TUT7: variants seen among roughly 807,000 people sequenced by gnomAD.
The protein encoded by TUT7 is terminal uridylyltransferase 7.
In TUT7, 33 loss-of-function variants were observed where a neutral mutation model predicts 165.9. The observed-to-expected ratio is 0.20, with a 90% CI of 0.15 to 0.27. TUT7 has a LOEUF of 0.27. Among genes scored for constraint, TUT7 ranks in the 10% least tolerant of loss-of-function variants. The probability of loss-of-function intolerance (pLI) is 1.00; values close to 1 mark genes in which losing one functional copy is unlikely to be tolerated. For missense variants in TUT7, 1,338 were observed against 1,762.3 expected, an observed-to-expected ratio of 0.76 and a Z score of 4.31; for synonymous variants, 552 against 608.1, an observed-to-expected ratio of 0.91 and a Z score of 1.36.
chr9:86,312,390 C>A (rs1358144916), intron 17 of TUT7, among the ~76,000 whole-genome samples: 2 of 151,676 alleles, frequency 1.3e-5, no homozygotes, highest in African/African-American at 2.4e-5. Context: ...CCAGCAGCCG[C>A]CCCGTCTGAG....
chr9:86,328,300 G>T, intron 11 of TUT7, 40 bp downstream of exon 11: 1 of 1,511,046 alleles, frequency 6.6e-7, no homozygotes, highest in South Asian at 1.4e-5. Context: ...CTTCACAATT[G>T]GCAAGTGAAA....
chr9:86,288,832 G>A (rs1404787514), intron 26 of TUT7, 88 bp from the exon 27 acceptor site: 11 of 1,043,060 alleles, frequency 1.1e-5, no homozygotes, highest in Non-Finnish European at 1.3e-5. Flanking sequence ...TTATTAAGTA[G>A]TCACAAAAAC....
chr9:86,319,766 A>T, intron 14 of TUT7, 96 bp from the exon 15 acceptor site: 1 of 806,190 alleles, frequency 1.2e-6, no homozygotes, highest in South Asian at 1.7e-5. Context: ...TAAAACTTAC[A>T]AGCTTAAATT....
intron 1 of TUT7, among the ~76,000 whole-genome samples, chr9:86,354,061 CCTG>C (rs1832535547): frequency 6.6e-6 from 1 of 152,240 alleles, no homozygotes; most frequent in Non-Finnish European, 1.5e-5. Flanking sequence ...CAGGAAGTGA[CCTG>C]CTGTCTCCAT....
intron 8 of TUT7, 97 bp from the exon 9 acceptor site, chr9:86,339,046 C>G (rs1831090560): frequency 9.3e-7 from 1 of 1,074,144 alleles, no homozygotes; most frequent in African/African-American, 1.6e-5. Flanking sequence ...AATATACATG[C>G]ATAATAAATA....
Position 86,346,493 on chromosome 9 carries a change from GA to G in TUT7, c.521-14del, listed in dbSNP as rs1392969195. On this transcript the variant is annotated splice_polypyrimidine_tract_variant and intron_variant, in intron 2 of 26. Coordinates refer to ENST00000375963, the MANE Select transcript of TUT7 (RefSeq NM_024617.4). ...TGCTTCTTGTTTTCTTAAGGTGGGGGAAAAATATTATTGGCAATATTAAATA... is the reference window on the plus strand; with the variant it reads ...TGCTTCTTGTTTTCTTAAGGTGGGGGAAAATATTATTGGCAATATTAAATA... The G allele has an allele frequency of 1.9e-6, 3 of 1,608,224 alleles. No individual in the cohort carries two copies. Among genetic ancestry groups the G allele is most frequent in the East Asian group, 2.2e-5 (1 of 44,814 alleles).
chr9:86,317,093 G>A (rs1828795011), intron 17 of TUT7, 126 bp downstream of exon 17: 1 of 727,354 alleles, frequency 1.4e-6, no homozygotes, highest in Non-Finnish European at 2.3e-6. Flanking sequence ...TTTATCTGCT[G>A]GGGAAGGGAG....
chr9:86,303,034 TG>T, intron 25 of TUT7, 51 bp downstream of exon 25: 1 of 807,110 alleles, frequency 1.2e-6, no homozygotes, highest in Non-Finnish European at 2.0e-6. Context: ...ATTTAAAAAT[TG>T]GGACATTAAG....
At chr9:86,292,907 T>C (rs1826005651) in intron 26 of TUT7, among the ~76,000 whole-genome samples, 1 of 152,378 alleles carries the variant, frequency 6.6e-6, no homozygotes, top group East Asian at 1.9e-4. Context: ...CTAGTAGTTT[T>C]ACTACTGTAG....
chr9:86,322,512 C>CT, intron 13 of TUT7, 37 bp from the exon 14 acceptor site: 1 of 1,576,788 alleles, frequency 6.3e-7, no homozygotes, highest in South Asian at 1.2e-5. Context: ...AGACTTAACA[C>CT]TTTATTTGCC....
chr9:86,345,277 G>T, intron 4 of TUT7, 123 bp from the exon 5 acceptor site: 2 of 909,130 alleles, frequency 2.2e-6, no homozygotes, highest in Non-Finnish European at 3.2e-6. Context: ...TTTTAGCTGT[G>T]TTAGTTTTCA....
Position 86,323,561 on chromosome 9 carries a change from T to G in TUT7, c.2189A>C (p.Asp730Ala), listed in dbSNP as rs1005722206. Residue 730 changes from aspartate to alanine, a missense_variant, in exon 13 of 27, where the codon GAT (aspartate) becomes GCT (alanine). By Grantham distance (126) the Asp-to-Ala change is moderately radical. This residue lies in a region of TUT7 where 425 missense variants were observed against 474.9 expected (regional missense o/e 0.89). Coordinates refer to ENST00000375963, the MANE Select transcript of TUT7 (RefSeq NM_024617.4). The part of the protein sequence containing the change: ...HPENSDCIQA[D>A]VNSDDYKGDK... ...ACCCTTGTAATCATCAGAGTTAACA[T>G]CTGCTTGGATACAGTCTGAGTTTTC... 6.2e-7 allele frequency: 1 copy of G among 1,614,130 alleles called. No individual in the cohort carries two copies. Among genetic ancestry groups the G allele is most frequent in the African/African-American group, 1.3e-5 (1 of 74,944 alleles).
At chr9:86,328,214 A>C in intron 11 of TUT7, 126 bp downstream of exon 11, 1 of 943,512 alleles carries the variant, frequency 1.1e-6, no homozygotes, top group African/African-American at 1.7e-5. Context: ...CGAGGTACTA[A>C]ACAGACTGGC....
chr9:86,341,704 C>G (rs1325488241), intron 6 of TUT7, among the ~76,000 whole-genome samples: 2 of 152,122 alleles, frequency 1.3e-5, no homozygotes, highest in African/African-American at 4.8e-5. Context: ...GCAAATGCTG[C>G]TCCCCCTGCC....
At chr9:86,315,389 T>C (rs753044806) in intron 17 of TUT7, among the ~76,000 whole-genome samples, 7 of 152,176 alleles carry the variant, frequency 4.6e-5, no homozygotes, top group South Asian at 2.1e-4. Context: ...AAGGACATAA[T>C]GTCTATAGCT....
At chr9:86,309,664 T>A in intron 19 of TUT7, 88 bp from the exon 20 acceptor site, 1 of 1,144,058 alleles carries the variant, frequency 8.7e-7, no homozygotes. Flanking sequence ...GTAAAGTGCA[T>A]ATTTTGAGAA....
At position 86,309,505 on chromosome 9, in the gene TUT7, A is replaced by G. The variant is rs756768354; in HGVS notation, c.3540T>C (p.Phe1180=). 8.1e-6 allele frequency: 13 copies of G among 1,612,996 alleles called. No individual in the cohort carries two copies. The Admixed American group carries it at 1.5e-4, about 19-fold the overall frequency. ...TGACTGGTGGATTCCTCTGCTGGAG[A>G]AAATATAGCACCATAAGAGTATATG... ...SYAYTLMVLY[F]LQQRNPPVIP... Residue 1180 remains phenylalanine, a synonymous_variant, in exon 20 of 27, where the codon TTT becomes TTC. Coordinates refer to ENST00000375963, the MANE Select transcript of TUT7 (RefSeq NM_024617.4).
rs1831463631 is a variant in TUT7 at position 86,343,200 on chromosome 9, A to G, written c.998-37T>C. 3.1e-6 allele frequency: 4 copies of G among 1,281,846 alleles called. No individual in the cohort carries two copies. In the East Asian group the frequency reaches 1.1e-4, roughly 35 times the overall value. The allele number at this position is 1,281,846 out of a possible 1,614,324, so 79.4% of individuals were successfully genotyped here. ...ATAAATAAATAAAAGTAATAAATAC[A>G]GTAGAATTTCTCAAAAGTTATAACA... is the stretch of plus-strand genomic sequence containing the variant. On this transcript the variant is annotated intron_variant, in intron 5 of 26. Transcript: ENST00000375963.
chr9:86,338,767 A>G, intron 9 of TUT7, 56 bp downstream of exon 9: 6 of 1,418,014 alleles, frequency 4.2e-6, no homozygotes, highest in Non-Finnish European at 5.6e-6. Context: ...TAAAAATCAA[A>G]GCATACTGCT....
Sources: gnomAD v4.1 joint callset for allele counts (sites outside exome capture counted in the v4.1 genomes callset) on GRCh38, gnomAD v4.1.1 for gene constraint, gnomAD v4.1.1 regional missense constraint, MANE v1.5 for transcripts, NCBI Gene and HGNC (gene_info 2026-07-23, HGNC 2026-07-21) for gene names.